The following COL7A1 variants were observed in gnomAD, a reference collection of about 807,000 sequenced individuals.
The protein encoded by COL7A1 is collagen type VII alpha 1 chain, also known as collagen alpha-1(VII) chain.
In COL7A1, 296 loss-of-function variants were observed where a neutral mutation model predicts 456.2. The ratio of observed to expected loss-of-function variants is 0.65; its 90% confidence interval spans 0.59 to 0.71. COL7A1 has a LOEUF of 0.71. COL7A1 is among the 30% of genes least tolerant of loss of function. COL7A1 has a pLI of 0.00. For missense variants in COL7A1, 3,441 were observed against 4,017.2 expected (o/e 0.86, Z 3.88); for synonymous variants, 1,464 against 1,525.9 (o/e 0.96, Z 0.95).
At position 48,565,658 on chromosome 3, in the gene COL7A1, GCC is replaced by G. The variant is rs2107628480; in HGVS notation, c.8416_8417del (p.Gly2806ProfsTer12). 1 of 1,613,714 alleles carries G rather than the reference GCC, an allele frequency of 6.2e-7. No individual in the cohort carries two copies. Among genetic ancestry groups the G allele is most frequent in the Admixed American group, 1.7e-5 (1 of 59,960 alleles). ...CACGTGATCCAGATGCGATGAACTG[GCC>G]CTGGCAGGCTAGAGGGGGCAGAGAG... ...QEMSQHCACQ[G>X]QFIASGSRPL... On this transcript the variant is annotated frameshift_variant, in exon 115 of 119. Coordinates refer to ENST00000681320, the MANE Select transcript of COL7A1 (RefSeq NM_000094.4). LOFTEE classifies it high-confidence loss of function. The surrounding 1 kb of genome is among the most constrained non-coding windows in gnomAD (Gnocchi z 4.5).
In COL7A1 at chr3:48,591,646, C is replaced by T. The variant is rs745613091; in HGVS notation, c.1507+27G>A. The T allele has an allele frequency of 3.1e-6, 5 of 1,613,782 alleles. No homozygotes were observed. In the South Asian group the frequency reaches 4.4e-5, roughly 14 times the overall value. On this transcript the variant is annotated intron_variant, in intron 12 of 118. Transcript: ENST00000681320. The surrounding 1 kb of genome is among the most constrained non-coding windows in gnomAD (Gnocchi z 7.0). ...CTGGGGCTCCGACACCTCCCCCACT[C>T]ACTGGCCCAGCCCACAGAGCCCTCA...
chr3:48,580,648 G>A lies in COL7A1; in HGVS notation c.4985C>T (p.Ala1662Val). The A allele has an allele frequency of 1.2e-6, 2 of 1,613,738 alleles. No individual in the cohort carries two copies. The highest frequency in any genetic ancestry group is 1.7e-6 in the Non-Finnish European group (2 of 1,179,904). ...ACCCACAGGCCCCCGAACTCCAGGT[G>A]CCCCCTAAGAAGAGCAGCTGGCCTG... ...GKAGERGLRGAPGVRGPVGEK... is the reference protein window; with the variant it reads ...GKAGERGLRGVPGVRGPVGEK... The change falls in exon 55 of 119, where the codon GCA becomes GTA. Residue 1662 changes from alanine to valine, a missense_variant. By Grantham distance (64) the Ala-to-Val change is moderately conservative. Transcript: ENST00000681320. This position sits in a 1 kb window ranked among gnomAD's most constrained non-coding sequence, Gnocchi z 4.5.
chr3:48,580,433 G>A lies in COL7A1; in HGVS notation c.5053-89C>T, dbSNP rs2044662662. The A allele has an allele frequency of 1.3e-6, 2 of 1,522,142 alleles. No individual in the cohort carries two copies. Among genetic ancestry groups the A allele is most frequent in the Admixed American group, 3.7e-5 (2 of 54,774 alleles). The allele number at this position is 1,522,142 out of a possible 1,614,324, so 94.3% of individuals were successfully genotyped here. On this transcript the variant is annotated intron_variant, in intron 55 of 118. Transcript: ENST00000681320. The surrounding 1 kb of genome is among the most constrained non-coding windows in gnomAD (Gnocchi z 4.5). The stretch of plus-strand genomic sequence containing the variant: ...ACCATGAGGACTCATGGGAATGTTG[G>A]TAGCCTTCAGATGCGTGTGTGCAGG...
rs771080909 is a variant in COL7A1, at chr3:48,574,860, A to G, written c.6285T>C (p.Ser2095=). ...AGAGTCCAGGACCTGGCTCATCCAC[A>G]GACACCTACAAACACAAGGTCACAG... is the stretch of plus-strand genomic sequence containing the variant. ...GPPGPPGPKV[S]VDEPGPGLSG... is the part of the protein sequence containing the mutation. Residue 2095 remains serine (S), a synonymous_variant, in exon 77 of 119, where the codon TCT becomes TCC. Coordinates refer to ENST00000681320, the MANE Select transcript of COL7A1 (RefSeq NM_000094.4). The surrounding 1 kb of genome is among the most constrained non-coding windows in gnomAD (Gnocchi z 5.0). 6 of 1,613,802 alleles carry G rather than the reference A, an allele frequency of 3.7e-6. No individual in the cohort carries two copies. In the Admixed American group the frequency reaches 1.0e-4, roughly 27 times the overall value.
rs201645359 is a variant in COL7A1, at chr3:48,586,552, G to A, written c.3403+11C>T. 1.3e-4 allele frequency: 212 copies of A among 1,613,796 alleles called. No individual in the cohort carries two copies. The highest frequency in any genetic ancestry group is 1.8e-4 in the Non-Finnish European group (207 of 1,180,044). ...ATAGCCCCAGGAGTCCATGCCTGCT[G>A]CAGTCCTCACCCAGGTTGTTCCCAC... On this transcript the variant is annotated intron_variant, in intron 26 of 118. Transcript: ENST00000681320. The surrounding 1 kb of genome is among the most constrained non-coding windows in gnomAD (Gnocchi z 5.1).
rs758886532 is a variant in COL7A1 at position 48,578,354 on chromosome 3, G to A, written c.5499C>T (p.Gly1833=). 2.4e-5 allele frequency: 39 copies of A among 1,613,000 alleles called. No individual in the cohort carries two copies. The highest frequency in any genetic ancestry group is 4.5e-5 in the East Asian group (2 of 44,886). The change falls in exon 65 of 119, where the codon GGC becomes GGT. Residue 1833 remains glycine (G), a synonymous_variant. Coordinates refer to ENST00000681320, the MANE Select transcript of COL7A1 (RefSeq NM_000094.4). This position sits in a 1 kb window ranked among gnomAD's most constrained non-coding sequence, Gnocchi z 4.7. ...CATTCAGGCCAGGTTTGCCATCCTC[G>A]CCTGGCTTTCCCTGTGGGAACAGAT... ...SGPPGLPGKP[G]EDGKPGLNGK...
rs773229775 is a variant in COL7A1, at chr3:48,588,672, C to T, written c.2557G>A (p.Gly853Ser). ...GTGACAACAATGGAGACAGGTGTGC[C>T]CTCGCGGTCCCCGACAAGTGCAGTC... ...RVTALVGDRE[G>S]TPVSIVVTTP... Residue 853 changes from glycine (G) to serine (S), a missense_variant, in exon 20 of 119, where the codon GGC becomes AGC. By Grantham distance (56) the Gly-to-Ser change is moderately conservative. Around this residue, in one of 3 missense-constraint regions of COL7A1, gnomAD observed 444 missense variants for 427.6 expected, o/e 1.04. Transcript: ENST00000681320. This position sits in a 1 kb window ranked among gnomAD's most constrained non-coding sequence, Gnocchi z 4.6. 2.0e-5 allele frequency: 33 copies of T among 1,613,740 alleles called. No individual in the cohort carries two copies. The Admixed American group carries it at 5.5e-4, about 27-fold the overall frequency.
Position 48,568,853 on chromosome 3 carries a change from G to T in COL7A1, c.7689C>A (p.Gly2563=), listed in dbSNP as rs779995041. The T allele has an allele frequency of 6.4e-6, 10 of 1,573,682 alleles. No individual in the cohort carries two copies. Among genetic ancestry groups the T allele is most frequent in the Middle Eastern group, 1.7e-4 (1 of 6,026 alleles). ...CCTTGTCACCAGGCTCTCCCTTGCT[G>T]CCCTGTGGGAGTGACCAGGAGAGGG... is the stretch of plus-strand genomic sequence containing the variant. ...RGDNGDPGDK[G]SKGEPGDKGS... The change falls in exon 104 of 119, where the codon GGC becomes GGA. Residue 2563 remains glycine (G), a splice_region_variant and synonymous_variant. Coordinates refer to ENST00000681320, the MANE Select transcript of COL7A1 (RefSeq NM_000094.4). The surrounding 1 kb of genome is among the most constrained non-coding windows in gnomAD (Gnocchi z 5.2).
chr3:48,572,351 A>T lies in COL7A1; in HGVS notation c.6978+29T>A. The T allele has an allele frequency of 6.2e-7, 1 of 1,614,150 alleles. No individual in the cohort carries two copies. The highest frequency in any genetic ancestry group is 8.5e-7 in the Non-Finnish European group (1 of 1,179,998). ...CCACTGGAGAGACAGGACCCCCAGA[A>T]CATCTGCTGTCAGAAGTTCCCTACT... On this transcript the variant is annotated intron_variant, in intron 90 of 118. Transcript: ENST00000681320. This position sits in a 1 kb window ranked among gnomAD's most constrained non-coding sequence, Gnocchi z 4.6.
Position 48,574,157 on chromosome 3 carries a change from A to C in COL7A1, c.6501+105T>G, listed in dbSNP as rs1210620946. ...GGCACACACAGAGAGGCACACAGAC[A>C]CAGGTACACACAAACACACACACAC... is the stretch of plus-strand genomic sequence containing the variant. On this transcript the variant is annotated intron_variant, in intron 80 of 118. Coordinates refer to ENST00000681320, the MANE Select transcript of COL7A1 (RefSeq NM_000094.4). This position sits in a 1 kb window ranked among gnomAD's most constrained non-coding sequence, Gnocchi z 5.0. The C allele has an allele frequency of 7.0e-7, 1 of 1,420,322 alleles. No homozygotes were observed. The highest frequency in any genetic ancestry group is 1.4e-5 in the African/African-American group (1 of 71,010). The allele number at this position is 1,420,322 out of a possible 1,614,324, so 88.0% of individuals were successfully genotyped here.
Position 48,583,050 on chromosome 3 carries a change from T to TGA in COL7A1, c.4483-4_4483-3dup. 6.2e-7 allele frequency: 1 copy of TGA among 1,613,920 alleles called. No homozygotes were observed. Among genetic ancestry groups the TGA allele is most frequent in the Non-Finnish European group, 8.5e-7 (1 of 1,179,958 alleles). On this transcript the variant is annotated splice_region_variant and splice_polypyrimidine_tract_variant and intron_variant, in intron 43 of 118. Transcript: ENST00000681320. The surrounding 1 kb of genome is among the most constrained non-coding windows in gnomAD (Gnocchi z 5.1). ...TGGGCCTGGGGGTCCACGTTCGCCC[T>TGA]GATGGAAAAGAAGAGGTCAGAGCTG...
Position 48,588,598 on chromosome 3 carries a change from T to A in COL7A1, c.2587+44A>T, listed in dbSNP as rs1575479971. 6.2e-7 allele frequency: 1 copy of A among 1,613,538 alleles called. No individual in the cohort carries two copies. Among genetic ancestry groups the A allele is most frequent in the African/African-American group, 1.3e-5 (1 of 75,020 alleles). On this transcript the variant is annotated intron_variant, in intron 20 of 118. Transcript: ENST00000681320. This position sits in a 1 kb window ranked among gnomAD's most constrained non-coding sequence, Gnocchi z 4.6. ...AGCACAAGCCCGGATCCCCAAACCA[T>A]CCACACCACCCATCCGAAGCTCTCC...
At position 48,583,694 on chromosome 3, in the gene COL7A1, ACAT is replaced by A; in HGVS notation, c.4341+21_4341+23del. The A allele has an allele frequency of 6.2e-7, 1 of 1,613,952 alleles. No individual in the cohort carries two copies. The highest frequency in any genetic ancestry group is 8.5e-7 in the Non-Finnish European group (1 of 1,179,914). ...CGCAGCCTCCCACCCCAGAACTGGG[ACAT>A]CATCAAGTCAGCCTTCCTACTTTTT... On this transcript the variant is annotated intron_variant, in intron 40 of 118. Transcript: ENST00000681320. This position sits in a 1 kb window ranked among gnomAD's most constrained non-coding sequence, Gnocchi z 5.1.
Position 48,576,542 on chromosome 3 carries a change from G to C in COL7A1, c.5716C>G (p.Pro1906Ala), listed in dbSNP as rs1227012449. 6.2e-7 allele frequency: 1 copy of C among 1,610,690 alleles called. No homozygotes were observed. Among genetic ancestry groups the C allele is most frequent in the Admixed American group, 1.7e-5 (1 of 59,714 alleles). The change falls in exon 69 of 119, where the codon CCA (proline) becomes GCA (alanine). Residue 1906 changes from proline to alanine, a missense_variant. Pro to Ala is a conservative substitution (Grantham distance 27). Around this residue, in one of 3 missense-constraint regions of COL7A1, gnomAD observed 2,084 missense variants for 2,501.3 expected, o/e 0.83. Transcript: ENST00000681320. The stretch of plus-strand genomic sequence containing the variant: ...CTCACCTTGGGGCCCGTGCCTCCTG[G>C]GACACCAGGAAAACCCTGAGATACG... ...GPPGQGFPGV[P>A]GGTGPKGDRG... is the part of the protein sequence containing the mutation.
rs761393259 is a variant in COL7A1 at position 48,575,082 on chromosome 3, G to A, written c.6261C>T (p.Pro2087=). 1.4e-5 allele frequency: 23 copies of A among 1,612,926 alleles called. No homozygotes were observed. The South Asian group carries it at 2.0e-4, about 14-fold the overall frequency. Residue 2087 remains proline, a synonymous_variant, in exon 76 of 119, where the codon CCC becomes CCT. Coordinates refer to ENST00000681320, the MANE Select transcript of COL7A1 (RefSeq NM_000094.4). The surrounding 1 kb of genome is among the most constrained non-coding windows in gnomAD (Gnocchi z 6.3). The part of the protein sequence containing the change: ...PPGLPGTPGP[P]GPPGPKVSVD... ...TGATCACCTTGGGGCCAGGGGGTCC[G>A]GGGGGCCCAGGGGTTCCAGGGAGTC...
chr3:48,592,895 C>T lies in COL7A1; in HGVS notation c.726G>A (p.Glu242=), dbSNP rs2045808454. ...GTACTCTCAAGGATTGGCTGCTTGG[C>T]TCAGACAGCACCAGGTCTCGTGGAG... ...TSAPRDLVLS[E]PSSQSLRVQW... is the part of the protein sequence containing the mutation. Residue 242 remains glutamate (E), a synonymous_variant, in exon 7 of 119, where the codon GAG becomes GAA. Transcript: ENST00000681320. This position sits in a 1 kb window ranked among gnomAD's most constrained non-coding sequence, Gnocchi z 7.6. 1 of 1,613,910 alleles carries T rather than the reference C, an allele frequency of 6.2e-7. No individual in the cohort carries two copies. The highest frequency in any genetic ancestry group is 1.3e-5 in the African/African-American group (1 of 74,930).
rs536139791 is a variant in COL7A1, at chr3:48,593,047, T to G, written c.682+55A>C. 1,345 of 1,613,464 alleles carry G rather than the reference T, an allele frequency of 8.3e-4. 11 individuals carry two copies. In the African/African-American group the frequency reaches 0.017, roughly 20 times the overall value. ...ATAGGATGGAATCAGCACTGCCAAGTGGGGATTGGGGTCCGGGGTCTAGGT... is the reference window on the plus strand; with the variant it reads ...ATAGGATGGAATCAGCACTGCCAAGGGGGGATTGGGGTCCGGGGTCTAGGT... On this transcript the variant is annotated intron_variant, in intron 6 of 118. Coordinates refer to ENST00000681320, the MANE Select transcript of COL7A1 (RefSeq NM_000094.4). This position sits in a 1 kb window ranked among gnomAD's most constrained non-coding sequence, Gnocchi z 4.4.
In COL7A1 at chr3:48,570,765, C is replaced by T; in HGVS notation, c.7273-55G>A. The T allele has an allele frequency of 5.8e-6, 9 of 1,557,042 alleles. No homozygotes were observed. In the East Asian group the frequency reaches 2.2e-4, roughly 37 times the overall value. On this transcript the variant is annotated intron_variant, in intron 95 of 118. Transcript: ENST00000681320. The surrounding 1 kb of genome is among the most constrained non-coding windows in gnomAD (Gnocchi z 5.5). ...AGAGTGACTTGGGAACCCTCCTACC[C>T]TCTGCCCCCTCAAGACTGGGAACCC... is the stretch of plus-strand genomic sequence containing the variant.
chr3:48,575,641 G>A lies in COL7A1; in HGVS notation c.5964C>T (p.Gly1988=), dbSNP rs774695454. The A allele has an allele frequency of 1.2e-6, 2 of 1,613,320 alleles. No individual in the cohort carries two copies. Among genetic ancestry groups the A allele is most frequent in the South Asian group, 1.1e-5 (1 of 91,088 alleles). The change falls in exon 73 of 119, where the codon GGC becomes GGT. Residue 1988 remains glycine (G), a synonymous_variant. Coordinates refer to ENST00000681320, the MANE Select transcript of COL7A1 (RefSeq NM_000094.4). The surrounding 1 kb of genome is among the most constrained non-coding windows in gnomAD (Gnocchi z 6.3). ...TTCTGCTCACCTCCTTGCCTGGGGG[G>A]CCCTGTTCGCCTGAGTCCCCCTTGG... ...RGPKGDSGEQ[G]PPGKEGPIGF...
Sources: gnomAD v4.1 joint callset for allele counts on GRCh38, gnomAD v4.1.1 for gene constraint, gnomAD v4.1.1 regional missense constraint, Gnocchi (gnomAD v3.1) non-coding constraint, MANE v1.5 for transcripts, NCBI Gene and HGNC (gene_info 2026-07-23, HGNC 2026-07-21) for gene names.